Variants in EIF3J observed in about 807,000 individuals in gnomAD.
EIF3J encodes the protein eukaryotic translation initiation factor 3 subunit J.
Under a neutral mutation model 39.0 loss-of-function variants are expected in EIF3J, and 15 were observed. The ratio of observed to expected loss-of-function variants is 0.38; its 90% CI spans 0.26 to 0.59. The LOEUF (loss-of-function observed/expected upper bound fraction) is 0.59. Ranked by LOEUF, EIF3J falls within the 20% of genes least tolerant of loss-of-function variation. EIF3J has a pLI of 0.60. For missense variants in EIF3J, 226 were observed against 308.6 expected, an observed-to-expected ratio of 0.73 and a Z score of 2.00; for synonymous variants, 98 against 112.9, an observed-to-expected ratio of 0.87 and a Z score of 0.84.
At chr15:44,560,848 T>C (rs1178397669) in intron 7 of EIF3J, among the ~76,000 whole-genome samples, 170 bp from the exon 8 acceptor site, 3 of 152,202 alleles carry the variant, frequency 2.0e-5, no homozygotes, top group African/African-American at 7.2e-5. Flanking sequence ...TTGGAGAGAC[T>C]GACTCTGGGA....
intron 7 of EIF3J, 165 bp downstream of exon 7, chr15:44,560,487 T>G (rs111923609): frequency 1.7e-6 from 1 of 587,764 alleles, no homozygotes; most frequent in South Asian, 2.9e-5. Context: ...ACTGTCCTTT[T>G]GTTTCCAGAC....
At chr15:44,544,645 G>C (rs1595799769) in intron 2 of EIF3J, among the ~76,000 whole-genome samples, 1 of 148,860 alleles carries the variant, frequency 6.7e-6, no homozygotes, top group South Asian at 2.2e-4. Flanking sequence ...CAGAGGTTGC[G>C]GTGAGCTGAG....
At position 44,541,527 on chromosome 15, in the gene EIF3J, G is replaced by A. The variant is rs961860254; in HGVS notation, c.147+4100G>A. Among the ~76,000 whole-genome samples, 12 of 152,244 alleles carry A rather than the reference G, an allele frequency of 7.9e-5. No individual in the cohort carries two copies. The East Asian group carries it at 1.7e-3, about 22-fold the overall frequency. On this transcript the variant is annotated intron_variant, in intron 2 of 7. Coordinates refer to ENST00000261868, the MANE Select transcript of EIF3J (RefSeq NM_003758.4). ...ACCCCAACACATTTAAAGAGAGAGCGATCCTGAAGAACAGATTTAGTTGAG... is the reference window on the plus strand; with the variant it reads ...ACCCCAACACATTTAAAGAGAGAGCAATCCTGAAGAACAGATTTAGTTGAG...
chr15:44,557,668 C>T lies in EIF3J; in HGVS notation c.571+18C>T. 4 of 1,433,476 alleles carry T rather than the reference C, an allele frequency of 2.8e-6. No individual in the cohort carries two copies. Among genetic ancestry groups the T allele is most frequent in the Non-Finnish European group, 3.7e-6 (4 of 1,087,956 alleles). 88.8% of individuals were successfully genotyped at this position (1,433,476 alleles called of 1,614,324 possible). ...TATTTCATGTAAGTAATTCTAATTTCTAGCCCCTCTGGGTAGATTTTTAGT... is the reference window on the plus strand; with the variant it reads ...TATTTCATGTAAGTAATTCTAATTTTTAGCCCCTCTGGGTAGATTTTTAGT... On this transcript the variant is annotated intron_variant, in intron 6 of 7. Coordinates refer to ENST00000261868, the MANE Select transcript of EIF3J (RefSeq NM_003758.4).
At chr15:44,543,588 A>G (rs1001545218) in intron 2 of EIF3J, among the ~76,000 whole-genome samples, 2 of 151,930 alleles carry the variant, frequency 1.3e-5, no homozygotes, top group South Asian at 2.1e-4. Flanking sequence ...TAATTTTTGT[A>G]TTTTTAGTAG....
chr15:44,550,340 A>G (rs77868480), intron 2 of EIF3J, among the ~76,000 whole-genome samples: 2,932 of 152,272 alleles, frequency 0.019, 113 homozygotes, highest in African/African-American at 0.065. Context: ...TGCCTAGGAT[A>G]GAGTGCAGTG....
chr15:44,550,124 T>C (rs2082087132), intron 2 of EIF3J, among the ~76,000 whole-genome samples: 1 of 152,194 alleles, frequency 6.6e-6, no homozygotes, highest in African/African-American at 2.4e-5. Context: ...GGTAAATCAC[T>C]TGTGAGGGCC....
Position 44,546,816 on chromosome 15 carries a change from C to CTTTTTTTT in EIF3J, c.148-4039_148-4032dup, listed in dbSNP as rs1160471321. Among the ~76,000 whole-genome samples the CTTTTTTTT allele has an allele frequency of 2.3e-4, 18 of 78,904 alleles. 3 individuals carry two copies. The highest frequency in any genetic ancestry group is 8.7e-4 in the African/African-American group (17 of 19,594). 51.8% of individuals were successfully genotyped at this position (78,904 alleles called of 152,430 possible). Reference sequence around the variant, plus strand: ...GGCATAGAAAAAACAGAGTATAGATCTTTTTTTTTTTTTTTTTTTTTTTTT... The same window carrying CTTTTTTTT: ...GGCATAGAAAAAACAGAGTATAGATCTTTTTTTTTTTTTTTTTTTTTTTTTTTTTTTTT... On this transcript the variant is annotated intron_variant, in intron 2 of 7. Transcript: ENST00000261868.
chr15:44,555,316 T>C (rs2082135426), intron 5 of EIF3J, among the ~76,000 whole-genome samples: 1 of 152,196 alleles, frequency 6.6e-6, no homozygotes, highest in African/African-American at 2.4e-5. Flanking sequence ...TTGAGTACTT[T>C]TCAGAGTAGA....
intron 2 of EIF3J, among the ~76,000 whole-genome samples, chr15:44,539,327 C>T (rs2081988559): frequency 6.6e-6 from 1 of 151,892 alleles, no homozygotes; most frequent in Non-Finnish European, 1.5e-5. Flanking sequence ...TACCCAGCCT[C>T]TGATGAATAT....
At chr15:44,537,484 C>T (rs1327263903) in intron 2 of EIF3J, 57 bp downstream of exon 2, 8 of 1,429,970 alleles carry the variant, frequency 5.6e-6, no homozygotes, top group South Asian at 1.5e-5. Flanking sequence ...TGTTGCCGGC[C>T]GACTCTGGGC....
At chr15:44,551,014 C>T in intron 3 of EIF3J, 84 bp downstream of exon 3, 4 of 1,508,860 alleles carry the variant, frequency 2.7e-6, no homozygotes, top group Non-Finnish European at 3.6e-6. Flanking sequence ...ACAGAACGCT[C>T]ACAAAATGGA....
intron 2 of EIF3J, among the ~76,000 whole-genome samples, chr15:44,547,205 G>A (rs995022656): frequency 1.3e-5 from 2 of 151,830 alleles, no homozygotes; most frequent in Non-Finnish European, 2.9e-5. Context: ...GTGCAATGGC[G>A]CGATCTCGGC....
chr15:44,541,390 C>T lies in EIF3J; in HGVS notation c.147+3963C>T, dbSNP rs117178600. Among the ~76,000 whole-genome samples the T allele has an allele frequency of 3.8e-3, 574 of 152,308 alleles. 2 individuals carry two copies. The highest frequency in any genetic ancestry group is 5.5e-3 in the Non-Finnish European group (374 of 68,024). Reference sequence around the variant, plus strand: ...CTTATAGCTGTGTTCAGCCATCTCACGCATTTGCCTCTGTAACCATATAGC... The same window carrying T: ...CTTATAGCTGTGTTCAGCCATCTCATGCATTTGCCTCTGTAACCATATAGC... On this transcript the variant is annotated intron_variant, in intron 2 of 7. Transcript: ENST00000261868.
chr15:44,558,412 G>T (rs376034888), intron 6 of EIF3J, among the ~76,000 whole-genome samples: 3 of 151,910 alleles, frequency 2.0e-5, no homozygotes, highest in East Asian at 1.9e-4. Flanking sequence ...AGACCATCCT[G>T]GCTAACAAGG....
At chr15:44,557,302 T>C (rs1273263524) in intron 5 of EIF3J, among the ~76,000 whole-genome samples, 187 bp from the exon 6 acceptor site, 2 of 152,134 alleles carry the variant, frequency 1.3e-5, no homozygotes, top group East Asian at 3.8e-4. Flanking sequence ...TTTTTTCTGA[T>C]TTAAGTTTGT....
intron 2 of EIF3J, among the ~76,000 whole-genome samples, chr15:44,538,564 C>G (rs1030490505): frequency 5.9e-5 from 9 of 152,308 alleles, no homozygotes; most frequent in African/African-American, 2.2e-4. Flanking sequence ...TTTCTGTTCT[C>G]TCCCCAGTCC....
intron 4 of EIF3J, 39 bp from the exon 5 acceptor site, chr15:44,554,514 T>G (rs1040524878): frequency 4.4e-6 from 6 of 1,358,206 alleles, no homozygotes; most frequent in Admixed American, 1.9e-5. Context: ...GAGTGCATCA[T>G]AATCCCTGTG....
At chr15:44,549,874 C>T (rs1005588150) in intron 2 of EIF3J, among the ~76,000 whole-genome samples, 2 of 149,058 alleles carry the variant, frequency 1.3e-5, no homozygotes, top group Admixed American at 1.3e-4. Flanking sequence ...GCAGGAGAAT[C>T]GCTTGAACCT....
Sources: gnomAD v4.1 joint callset for allele counts (sites outside exome capture counted in the v4.1 genomes callset) on GRCh38, gnomAD v4.1.1 for gene constraint, MANE v1.5 for transcripts, NCBI Gene and HGNC (gene_info 2026-07-23, HGNC 2026-07-21) for gene names.